The following PTPRD variants were observed in gnomAD, a reference collection of about 807,000 sequenced individuals.
PTPRD encodes receptor-type tyrosine-protein phosphatase delta.
Under a neutral mutation model 214.5 loss-of-function variants are expected in PTPRD, and 34 were observed. That is an observed-to-expected ratio of 0.16 (90% CI 0.12 to 0.21). The LOEUF is 0.21. Ranked by LOEUF, PTPRD falls within the 10% of genes least tolerant of loss-of-function variation. PTPRD has a pLI of 1.00. For missense variants in PTPRD, 2,545 were observed against 2,398.7 expected, an observed-to-expected ratio of 1.06 and a Z score of -1.27; for synonymous variants, 1,128 against 845.7, an observed-to-expected ratio of 1.33 and a Z score of -5.79.
chr9:10,303,586 C>A (rs1037343675), intron 3 of PTPRD, among the ~76,000 whole-genome samples: 39 of 152,020 alleles, frequency 2.6e-4, no homozygotes, highest in African/African-American at 9.4e-4. Context: ...GGGATATCAC[C>A]ACTGATCCTA....
intron 3 of PTPRD, among the ~76,000 whole-genome samples, chr9:10,072,244 G>T (rs1419439665): frequency 6.6e-6 from 1 of 151,976 alleles, no homozygotes; most frequent in East Asian, 1.9e-4. Context: ...CGCATCAGAG[G>T]AATGCAAATT....
intron 9 of PTPRD, among the ~76,000 whole-genome samples, chr9:9,222,704 A>G (rs2099956932): frequency 6.6e-6 from 1 of 152,086 alleles, no homozygotes; most frequent in Non-Finnish European, 1.5e-5. Context: ...ATCAGTCTTC[A>G]AACTATTAGC....
chr9:9,450,136 G>C lies in PTPRD; in HGVS notation c.-236-52654C>G, dbSNP rs1051487851. Among the ~76,000 whole-genome samples, 167 of 150,142 alleles carry C rather than the reference G, an allele frequency of 1.1e-3. 1 individual carries two copies. The highest frequency in any genetic ancestry group is 3.9e-3 in the African/African-American group (160 of 40,748). On this transcript the variant is annotated intron_variant, in intron 8 of 45. Transcript: ENST00000381196. ...TGTGTGTGTCTGTGTGTGTGTGTGT[G>C]TGTGTATTACAGTTTCTTTATCCAC...
intron 6 of PTPRD, among the ~76,000 whole-genome samples, chr9:9,735,706 T>TA (rs2098280466): frequency 6.6e-6 from 1 of 152,084 alleles, no homozygotes; most frequent in East Asian, 1.9e-4. Context: ...GTCATATTAT[T>TA]AGAGACCTTA....
intron 3 of PTPRD, among the ~76,000 whole-genome samples, chr9:10,335,462 A>C (rs1045754856): frequency 2.0e-5 from 3 of 151,768 alleles, no homozygotes; most frequent in Non-Finnish European, 2.9e-5. Flanking sequence ...CATATCACAG[A>C]CCCAAGTGTA....
chr9:8,331,646 T>C lies in PTPRD; in HGVS notation c.5470A>G (p.Ile1824Val), dbSNP rs1177261686. 5 of 1,613,952 alleles carry C rather than the reference T, an allele frequency of 3.1e-6. No individual in the cohort carries two copies. The highest frequency in any genetic ancestry group is 1.6e-4 in the Middle Eastern group (1 of 6,080). The change falls in exon 44 of 46, where the codon ATC (isoleucine) becomes GTC (valine). Residue 1824 changes from isoleucine to valine, a missense_variant. Ile to Val is a conservative substitution (Grantham distance 29). Transcript: ENST00000381196. The stretch of plus-strand genomic sequence containing the variant: ...TCTTTTGTTTTATGGACTTGGCCGA[T>C]GAAGTCAATAAATCCTTCTCCGGAC... ...PKSGEGFIDFIGQVHKTKEQF... is the reference protein window; with the variant it reads ...PKSGEGFIDFVGQVHKTKEQF...
intron 2 of PTPRD, among the ~76,000 whole-genome samples, chr9:10,509,577 A>ATATATATATATATATATATATT (rs2047308645): frequency 1.6e-5 from 2 of 121,516 alleles, no homozygotes; most frequent in Admixed American, 9.2e-5. Context: ...ATATATATAT[A>ATATATATATATATATATATATT]TATTTTACTC....
At chr9:10,502,386 A>G (rs1039724656) in intron 2 of PTPRD, among the ~76,000 whole-genome samples, 2 of 151,918 alleles carry the variant, frequency 1.3e-5, no homozygotes, top group East Asian at 3.9e-4. Context: ...TTTACAGAGA[A>G]CCCAAGAATC....
intron 4 of PTPRD, among the ~76,000 whole-genome samples, chr9:10,012,194 T>A (rs919998918): frequency 6.6e-6 from 1 of 151,890 alleles, no homozygotes; most frequent in African/African-American, 2.4e-5. Context: ...TTTGAAGAAT[T>A]GTAAAAAAGT....
At chr9:10,246,922 T>C (rs10738158) in intron 3 of PTPRD, among the ~76,000 whole-genome samples, 83,012 of 150,816 alleles carry the variant, frequency 0.55, 24,449 homozygotes, top group East Asian at 0.73. Context: ...ACAATAAATA[T>C]AAAATAAATA....
chr9:8,415,850 G>A (rs1334458887), intron 35 of PTPRD, among the ~76,000 whole-genome samples: 1 of 151,940 alleles, frequency 6.6e-6, no homozygotes, highest in Non-Finnish European at 1.5e-5. Context: ...CACAACTAAT[G>A]CAAGTGAGGT....
intron 3 of PTPRD, among the ~76,000 whole-genome samples, chr9:10,280,312 G>A (rs1239884025): frequency 6.6e-6 from 1 of 151,182 alleles, no homozygotes; most frequent in East Asian, 1.9e-4. Context: ...ACAGTTGACA[G>A]GATGAGAAGT....
At chr9:10,305,211 A>G (rs575129112) in intron 3 of PTPRD, among the ~76,000 whole-genome samples, 2 of 152,212 alleles carry the variant, frequency 1.3e-5, no homozygotes. Flanking sequence ...TATGCAGAAA[A>G]AACTGAAACT....
At chr9:8,519,401 C>G (rs535360267) in intron 20 of PTPRD, among the ~76,000 whole-genome samples, 1 of 152,262 alleles carries the variant, frequency 6.6e-6, no homozygotes, top group African/African-American at 2.4e-5. Context: ...GTGCCTTATT[C>G]TAAACAATGA....
chr9:9,318,996 T>C (rs1262954056), intron 9 of PTPRD, among the ~76,000 whole-genome samples: 1 of 152,212 alleles, frequency 6.6e-6, no homozygotes, highest in South Asian at 2.1e-4. Context: ...TCTATCATTA[T>C]AAGAAACACA....
chr9:9,871,172 A>C (rs910771167), intron 5 of PTPRD, among the ~76,000 whole-genome samples: 3 of 152,210 alleles, frequency 2.0e-5, no homozygotes, highest in African/African-American at 7.2e-5. Context: ...AAATAAAATA[A>C]TTTAGTCCTT....
chr9:10,004,637 A>G (rs2096426892), intron 4 of PTPRD, among the ~76,000 whole-genome samples: 1 of 151,818 alleles, frequency 6.6e-6, no homozygotes, highest in South Asian at 2.1e-4. Flanking sequence ...ACACACACAC[A>G]CCGCACACAC....
chr9:8,809,614 CAG>C (rs1199985149), intron 11 of PTPRD, among the ~76,000 whole-genome samples: 1 of 152,118 alleles, frequency 6.6e-6, no homozygotes, highest in Non-Finnish European at 1.5e-5. Flanking sequence ...CCTCTGCAAC[CAG>C]AGTCTCTGAG....
At chr9:8,402,876 G>T (rs145293610) in intron 36 of PTPRD, among the ~76,000 whole-genome samples, 2 of 152,028 alleles carry the variant, frequency 1.3e-5, no homozygotes, top group Non-Finnish European at 2.9e-5. Context: ...TGTTTTCAGT[G>T]TGGAAAAAGG....
Sources: allele counts gnomAD v4.1 joint callset (sites outside exome capture counted in the v4.1 genomes callset), GRCh38; gene constraint gnomAD v4.1.1; transcripts MANE v1.5; gene names NCBI Gene and HGNC (gene_info 2026-07-23, HGNC 2026-07-21).